RABGAP1: variants seen among roughly 807,000 people sequenced by gnomAD.
RABGAP1 encodes RAB GTPase activating protein 1.
In RABGAP1, 23 loss-of-function variants were observed where a neutral mutation model predicts 137.6. That is an observed-to-expected ratio of 0.17 (90% CI 0.12 to 0.24). The LOEUF is 0.24. Ranked by LOEUF, RABGAP1 falls within the 10% of genes least tolerant of loss-of-function variation. The pLI, the probability that RABGAP1 is intolerant of heterozygous loss-of-function variation, is 1.00. For synonymous variants in RABGAP1, 451 were observed against 450.7 expected (o/e 1.00, Z -0.01); for missense variants, 906 against 1,275.8 (o/e 0.71, Z 4.42).
intron 2 of RABGAP1, among the ~76,000 whole-genome samples, chr9:122,964,968 A>G (rs1020204067): frequency 1.3e-5 from 2 of 152,144 alleles, no homozygotes; most frequent in Non-Finnish European, 2.9e-5. Context: ...CTGCACCCCT[A>G]CCTGGGCAAC....
At chr9:122,964,557 A>C (rs1016227530) in intron 2 of RABGAP1, among the ~76,000 whole-genome samples, 1 of 152,234 alleles carries the variant, frequency 6.6e-6, no homozygotes, top group African/African-American at 2.4e-5. Context: ...CAAACTAGAA[A>C]TACAATGGAA....
Position 123,104,780 on chromosome 9 carries a change from A to T in RABGAP1, c.*1567A>T, listed in dbSNP as rs1034312493. ...TTCAGTGTGTCAACTTTATGAATTG[A>T]AATATAAACCAGTAAAATTGTATTA... is the stretch of plus-strand genomic sequence containing the variant. On this transcript the variant is annotated 3_prime_UTR_variant, in exon 26 of 26. Transcript: ENST00000373647. 3 of 152,366 alleles carry T rather than the reference A, an allele frequency of 2.0e-5. No homozygotes were observed. The highest frequency in any genetic ancestry group is 7.2e-5 in the African/African-American group (3 of 41,586). The allele number at this position is 152,366 out of a possible 1,614,324, so 9.4% of individuals were successfully genotyped here.
chr9:123,015,316 A>T (rs560215785), intron 11 of RABGAP1, among the ~76,000 whole-genome samples: 1 of 129,016 alleles, frequency 7.8e-6, no homozygotes, highest in Non-Finnish European at 1.6e-5. Context: ...TTTGCAATTG[A>T]CATAATTATG....
chr9:123,078,881 C>G (rs184355827), intron 19 of RABGAP1, among the ~76,000 whole-genome samples: 2 of 152,192 alleles, frequency 1.3e-5, no homozygotes, highest in Admixed American at 1.3e-4. Context: ...CACAGTGGCT[C>G]CCTCCCTGGC....
intron 1 of RABGAP1, among the ~76,000 whole-genome samples, chr9:122,951,505 C>T (rs1416148627): frequency 6.6e-6 from 1 of 151,904 alleles, no homozygotes; most frequent in Admixed American, 6.6e-5. Context: ...GAGGTTTTAT[C>T]ATGGCCAGTT....
chr9:123,067,065 T>C (rs954643103), intron 14 of RABGAP1, among the ~76,000 whole-genome samples: 4 of 152,204 alleles, frequency 2.6e-5, no homozygotes, highest in Admixed American at 6.5e-5. Flanking sequence ...ACCAATTAAT[T>C]AGTAGCTACT....
chr9:123,042,354 C>G (rs2032992927), intron 13 of RABGAP1, among the ~76,000 whole-genome samples: 1 of 152,150 alleles, frequency 6.6e-6, no homozygotes, highest in African/African-American at 2.4e-5. Flanking sequence ...GATAATTGCA[C>G]TTTTGAGAAA....
At chr9:122,952,458 C>T (rs771153097) in intron 1 of RABGAP1, among the ~76,000 whole-genome samples, 3 of 151,802 alleles carry the variant, frequency 2.0e-5, no homozygotes, top group East Asian at 1.9e-4. Flanking sequence ...TGAGTAGAGA[C>T]GGGGTTTCAC....
rs1244363068 is a variant in RABGAP1 at position 123,070,330 on chromosome 9, CTG to C, written c.1909-14_1909-13del. ...GTGGCTACATTCATTTACATTTCCT[CTG>C]TGTGTTTTATTTTCCAGGCTTATTC... is the stretch of plus-strand genomic sequence containing the variant. On this transcript the variant is annotated intron_variant, in intron 14 of 25. Coordinates refer to ENST00000373647, the MANE Select transcript of RABGAP1 (RefSeq NM_012197.4). The surrounding 1 kb of genome is among the most constrained non-coding windows in gnomAD (Gnocchi z 4.4). 3 of 1,613,504 alleles carry C rather than the reference CTG, an allele frequency of 1.9e-6. No homozygotes were observed. Among genetic ancestry groups the C allele is most frequent in the South Asian group, 1.1e-5 (1 of 91,046 alleles).
chr9:122,996,370 GAATT>G, intron 7 of RABGAP1, 165 bp from the exon 8 acceptor site: 1 of 1,088,306 alleles, frequency 9.2e-7, no homozygotes, highest in South Asian at 1.8e-5. Context: ...AAGGCAAACG[GAATT>G]AGCTGACCTT....
At chr9:123,091,284 C>T (rs2035024615) in intron 21 of RABGAP1, among the ~76,000 whole-genome samples, 1 of 152,144 alleles carries the variant, frequency 6.6e-6, no homozygotes, top group South Asian at 2.1e-4. Context: ...GGGGGTCTTA[C>T]ATTATATGCA....
At chr9:123,101,796 G>A (rs748266187) in intron 25 of RABGAP1, 33 bp downstream of exon 25, 11 of 1,536,698 alleles carry the variant, frequency 7.2e-6, no homozygotes, top group South Asian at 3.8e-5. Flanking sequence ...ATGTGCCTGC[G>A]GGCTGGGTTT....
chr9:123,058,447 C>CT (rs2033835609), intron 13 of RABGAP1, among the ~76,000 whole-genome samples: 1 of 152,104 alleles, frequency 6.6e-6, no homozygotes, highest in South Asian at 2.1e-4. Flanking sequence ...TAAAATTCTT[C>CT]TTTTTCCTTC....
chr9:122,940,998 G>A (rs1228387724), upstream of RABGAP1: 1 of 141,312 alleles, frequency 7.1e-6, no homozygotes, highest in African/African-American at 2.5e-5. Context: ...TGAGTAAAGG[G>A]GTGGGGGGGC....
At chr9:122,981,771 G>A (rs780745895) in intron 2 of RABGAP1, among the ~76,000 whole-genome samples, 18 of 152,194 alleles carry the variant, frequency 1.2e-4, no homozygotes, top group Non-Finnish European at 1.9e-4. Flanking sequence ...TATGCAGGCC[G>A]GGTGTAGTGG....
At chr9:122,990,495 C>A in intron 6 of RABGAP1, 1 of 203,800 alleles carries the variant, frequency 4.9e-6, no homozygotes, top group Non-Finnish European at 9.9e-6. Flanking sequence ...AACCGCCAGG[C>A]GCTGTGGCTC....
intron 14 of RABGAP1, among the ~76,000 whole-genome samples, chr9:123,069,218 A>C (rs1217628687): frequency 6.6e-6 from 1 of 152,220 alleles, no homozygotes; most frequent in African/African-American, 2.4e-5. Flanking sequence ...GAACCCACAA[A>C]TGGTTTCAGA....
intron 15 of RABGAP1, among the ~76,000 whole-genome samples, chr9:123,073,341 A>G (rs1345687724): frequency 3.3e-5 from 5 of 152,232 alleles, no homozygotes; most frequent in Non-Finnish European, 4.4e-5. Context: ...GACAGGAACC[A>G]TACTGACAAA....
At chr9:122,957,690 A>G (rs1489635616) in intron 2 of RABGAP1, among the ~76,000 whole-genome samples, 1 of 152,172 alleles carries the variant, frequency 6.6e-6, no homozygotes, top group East Asian at 1.9e-4. Flanking sequence ...ATTGATATAA[A>G]TAAAAACAGA....
Sources: gnomAD v4.1 joint callset for allele counts (sites outside exome capture counted in the v4.1 genomes callset) on GRCh38, gnomAD v4.1.1 for gene constraint, Gnocchi (gnomAD v3.1) non-coding constraint, MANE v1.5 for transcripts, NCBI Gene and HGNC (gene_info 2026-07-23, HGNC 2026-07-21) for gene names.